Variants in ASB3 observed in about 807,000 individuals in gnomAD.
ASB3 encodes the protein ankyrin repeat and SOCS box containing 3.
ASB3 carries 41 observed loss-of-function variants against 54.5 expected under a neutral mutation model. That is an observed-to-expected ratio of 0.75 (90% CI 0.59 to 0.98). The LOEUF (loss-of-function observed/expected upper bound fraction) is 0.98. ASB3 is among the 50% of genes least tolerant of loss of function. The pLI is 0.00. For missense variants in ASB3, 733 were observed against 620.0 expected, an observed-to-expected ratio of 1.18 and a Z score of -1.94; for synonymous variants, 266 against 221.2, an observed-to-expected ratio of 1.20 and a Z score of -1.80.
chr2:53,680,952 T>C (rs967315089), intron 9 of ASB3, among the ~76,000 whole-genome samples: 7 of 152,196 alleles, frequency 4.6e-5, no homozygotes, highest in Non-Finnish European at 1.5e-5. Context: ...CTTTAATTTT[T>C]AGCTCCGTAA....
intron 1 of ASB3, among the ~76,000 whole-genome samples, chr2:53,785,447 A>AT (rs1345920384): frequency 1.3e-5 from 2 of 151,028 alleles, no homozygotes; most frequent in Non-Finnish European, 3.0e-5. Flanking sequence ...AAAAAAAAAA[A>AT]TTGACTATTA....
chr2:53,723,225 A>G (rs1280519353), intron 5 of ASB3, among the ~76,000 whole-genome samples: 1 of 152,218 alleles, frequency 6.6e-6, no homozygotes, highest in Non-Finnish European at 1.5e-5. Flanking sequence ...CTGCTCACGG[A>G]TTGCAAAAAT....
chr2:53,726,526 GTTGGGAT>G (rs386646212), intron 5 of ASB3, among the ~76,000 whole-genome samples: 1 of 151,586 alleles, frequency 6.6e-6, no homozygotes, highest in African/African-American at 2.4e-5. Flanking sequence ...CTCCCAAAGT[GTTGGGAT>G]TACAGGCATG....
At chr2:53,761,067 A>G (rs1370919406) in intron 2 of ASB3, among the ~76,000 whole-genome samples, 2 of 152,088 alleles carry the variant, frequency 1.3e-5, no homozygotes, top group Non-Finnish European at 2.9e-5. Flanking sequence ...AACCTCCCCA[A>G]CAGCACTTGG....
At chr2:53,715,363 A>G (rs1670328327) in intron 6 of ASB3, among the ~76,000 whole-genome samples, 1 of 152,164 alleles carries the variant, frequency 6.6e-6, no homozygotes, top group African/African-American at 2.4e-5. Context: ...ACTCTGAAGT[A>G]TTTTCATAGT....
intron 9 of ASB3, among the ~76,000 whole-genome samples, chr2:53,671,566 C>A (rs1218559131): frequency 4.6e-5 from 7 of 152,072 alleles, no homozygotes; most frequent in Non-Finnish European, 8.8e-5. Context: ...TCAAAACCAG[C>A]CTGACCAACA....
intron 3 of ASB3, among the ~76,000 whole-genome samples, chr2:53,732,293 A>T (rs565614443): frequency 4.9e-4 from 74 of 152,308 alleles, no homozygotes; most frequent in East Asian, 1.5e-3. Context: ...ACTGAAAATT[A>T]AAAAAAGCAA....
At chr2:53,673,839 C>A (rs1180954766) in intron 9 of ASB3, among the ~76,000 whole-genome samples, 1 of 152,132 alleles carries the variant, frequency 6.6e-6, no homozygotes, top group Admixed American at 6.5e-5. Flanking sequence ...TTTGGTTTTC[C>A]TTCTAAGAGC....
At chr2:53,726,601 CACACACATATATAT>C (rs994815179) in intron 5 of ASB3, among the ~76,000 whole-genome samples, 4 of 151,204 alleles carry the variant, frequency 2.6e-5, no homozygotes, top group Non-Finnish European at 5.9e-5. Context: ...TATATATACA[CACACACATATATAT>C]ACACACATAT....
intron 3 of ASB3, among the ~76,000 whole-genome samples, chr2:53,736,108 T>C (rs1403526284): frequency 2.6e-5 from 4 of 151,928 alleles, no homozygotes; most frequent in East Asian, 1.9e-4. Context: ...TAGTGATAAA[T>C]TGGACCACGT....
rs114741288 is a variant in ASB3 at position 53,685,727 on chromosome 2, A to G, written c.1369+8157T>C. Among the ~76,000 whole-genome samples, 1,359 of 152,306 alleles carry G rather than the reference A, an allele frequency of 8.9e-3. 24 individuals are homozygous for G. Among genetic ancestry groups the G allele is most frequent in the African/African-American group, 0.031 (1,286 of 41,562 alleles). ...CCTCCAGATGAATTCTGCACCAACT[A>G]TGAATCTCTATCCAAAAAACATGAA... is the stretch of plus-strand genomic sequence containing the variant. On this transcript the variant is annotated intron_variant, in intron 9 of 9. Transcript: ENST00000263634.
intron 1 of ASB3, among the ~76,000 whole-genome samples, chr2:53,782,960 T>G (rs936483203): frequency 5.9e-5 from 9 of 152,112 alleles, no homozygotes; most frequent in African/African-American, 9.7e-5. Context: ...CTAATTTTTT[T>G]ATTTTCGGAG....
chr2:53,763,098 G>C lies in ASB3; in HGVS notation c.196+2279C>G, dbSNP rs190099407. 2.6e-3 allele frequency among the ~76,000 whole-genome samples: 392 copies of C among 152,212 alleles called. 1 individual carries two copies. The highest frequency in any genetic ancestry group is 6.8e-3 in the Middle Eastern group (2 of 294). On this transcript the variant is annotated intron_variant, in intron 2 of 9. Coordinates refer to ENST00000263634, the MANE Select transcript of ASB3 (RefSeq NM_016115.5). Reference sequence around the variant, plus strand: ...GAGGTAGGAAAATTATATAATAAAAGACAGCAGGTGTGATGCATCACACCT... The same window carrying C: ...GAGGTAGGAAAATTATATAATAAAACACAGCAGGTGTGATGCATCACACCT...
At chr2:53,752,128 G>C (rs1572967695) in intron 2 of ASB3, among the ~76,000 whole-genome samples, 1 of 152,268 alleles carries the variant, frequency 6.6e-6, no homozygotes, top group Admixed American at 6.5e-5. Context: ...ATATTATAAA[G>C]ATGCTGATTC....
At chr2:53,780,473 G>T (rs560188154) in intron 1 of ASB3, among the ~76,000 whole-genome samples, 1 of 152,090 alleles carries the variant, frequency 6.6e-6, no homozygotes, top group Non-Finnish European at 1.5e-5. Context: ...TAATATAAAA[G>T]ATGTGATATA....
intron 3 of ASB3, among the ~76,000 whole-genome samples, chr2:53,730,667 G>A (rs764217820): frequency 2.0e-4 from 30 of 152,138 alleles, no homozygotes; most frequent in Non-Finnish European, 3.7e-4. Flanking sequence ...CATCAACTGT[G>A]TATACATGTT....
intron 1 of ASB3, among the ~76,000 whole-genome samples, chr2:53,783,839 G>A (rs1178733013): frequency 6.6e-6 from 1 of 152,154 alleles, no homozygotes; most frequent in Non-Finnish European, 1.5e-5. Context: ...GAAAAAAATT[G>A]CTTGAAATTA....
intron 1 of ASB3, among the ~76,000 whole-genome samples, chr2:53,782,098 G>A (rs1393765109): frequency 2.0e-5 from 3 of 152,112 alleles, no homozygotes; most frequent in Admixed American, 1.3e-4. Flanking sequence ...GATCGCTTGA[G>A]CCCCAGAGGT....
At chr2:53,703,895 T>A (rs1669623761) in intron 7 of ASB3, among the ~76,000 whole-genome samples, 1 of 152,208 alleles carries the variant, frequency 6.6e-6, no homozygotes, top group African/African-American at 2.4e-5. Flanking sequence ...ATAAAATTTT[T>A]AAACTTATAC....
Sources: gnomAD v4.1 joint callset for allele counts (sites outside exome capture counted in the v4.1 genomes callset) on GRCh38, gnomAD v4.1.1 for gene constraint, MANE v1.5 for transcripts, NCBI Gene and HGNC (gene_info 2026-07-23, HGNC 2026-07-21) for gene names.